Variants in NTM observed in about 807,000 individuals in gnomAD.
NTM encodes IgLON family member 2.
A neutral mutation model predicts 42.1 loss-of-function variants in NTM; 13 were observed. The ratio of observed to expected loss-of-function variants is 0.31; its 90% confidence interval spans 0.20 to 0.49. The LOEUF is 0.49. Among genes scored for constraint, NTM ranks in the 20% least tolerant of loss-of-function variants. NTM has a pLI of 0.99. For synonymous variants in NTM, 187 were observed against 179.2 expected, an observed-to-expected ratio of 1.04 and a Z score of -0.35; for missense variants, 373 against 452.8, an observed-to-expected ratio of 0.82 and a Z score of 1.60.
chr11:132,290,840 C>G (rs1309217381), intron 4 of NTM, among the ~76,000 whole-genome samples: 1 of 152,160 alleles, frequency 6.6e-6, no homozygotes, highest in Non-Finnish European at 1.5e-5. Flanking sequence ...CTTATACGAG[C>G]TGAACTTAAG....
intron 1 of NTM, among the ~76,000 whole-genome samples, chr11:131,502,566 G>A (rs2046965942): frequency 6.6e-6 from 1 of 152,148 alleles, no homozygotes; most frequent in African/African-American, 2.4e-5. Flanking sequence ...GCAAGAGAGT[G>A]AGGAGTCGGG....
intron 1 of NTM, among the ~76,000 whole-genome samples, chr11:131,823,239 A>G (rs561964559): frequency 6.6e-6 from 1 of 152,156 alleles, no homozygotes; most frequent in African/African-American, 2.4e-5. Context: ...CTTCCCTAAC[A>G]TTGGTCAAAA....
intron 1 of NTM, among the ~76,000 whole-genome samples, chr11:131,396,716 C>A (rs1282986506): frequency 6.6e-6 from 1 of 152,010 alleles, no homozygotes; most frequent in Non-Finnish European, 1.5e-5. Flanking sequence ...CAACTGTAAT[C>A]CCAGCTACTC....
At position 131,512,881 on chromosome 11, in the gene NTM, G is replaced by T. The variant is rs187348067; in HGVS notation, c.82+141993G>T. Among the ~76,000 whole-genome samples the T allele has an allele frequency of 1.0e-3, 151 of 151,054 alleles. 1 individual carries two copies. Among genetic ancestry groups the T allele is most frequent in the African/African-American group, 3.4e-3 (138 of 41,028 alleles). On this transcript the variant is annotated intron_variant, in intron 1 of 8. Transcript: ENST00000683400. The stretch of plus-strand genomic sequence containing the variant: ...CACCCTCTCCCTGTCTTGACTCAAA[G>T]TTGCTTCTGCAAAGTTTTTCCTCCC...
At chr11:132,094,592 T>A (rs1237196218) in intron 2 of NTM, among the ~76,000 whole-genome samples, 1 of 152,200 alleles carries the variant, frequency 6.6e-6, no homozygotes, top group Non-Finnish European at 1.5e-5. Context: ...AAGAGCTGAC[T>A]GATTTGTTTA....
chr11:132,088,738 A>G (rs2060041768), intron 2 of NTM, among the ~76,000 whole-genome samples: 2 of 152,116 alleles, frequency 1.3e-5, no homozygotes. Context: ...CACCATGGGC[A>G]TGTTTAGGCA....
intron 4 of NTM, among the ~76,000 whole-genome samples, chr11:132,229,699 G>T (rs1441086316): frequency 6.6e-6 from 1 of 152,152 alleles, no homozygotes; most frequent in Non-Finnish European, 1.5e-5. Context: ...TCAGAAGCTA[G>T]TGTTTTGTCT....
intron 2 of NTM, among the ~76,000 whole-genome samples, chr11:132,055,087 G>T (rs1318336588): frequency 1.3e-5 from 2 of 152,248 alleles, no homozygotes; most frequent in African/African-American, 2.4e-5. Flanking sequence ...CATGGCATTG[G>T]AATGGAGTGA....
chr11:132,231,944 C>T (rs2087671332), intron 4 of NTM, among the ~76,000 whole-genome samples: 1 of 152,138 alleles, frequency 6.6e-6, no homozygotes, highest in African/African-American at 2.4e-5. Context: ...TAGGGCAGTG[C>T]AGTGGGAGGA....
rs551114050 is a variant in NTM, at chr11:131,874,659, T to C, written c.83-36905T>C. Among the ~76,000 whole-genome samples, 7 of 152,322 alleles carry C rather than the reference T, an allele frequency of 4.6e-5. No individual in the cohort carries two copies. The South Asian group carries it at 1.4e-3, about 32-fold the overall frequency. ...ATAAAAAATTTGTCTTTTGCGTAGA[T>C]CTATCTCTATTCCTTCTAAAACTGC... On this transcript the variant is annotated intron_variant, in intron 1 of 8. Transcript: ENST00000683400.
At chr11:132,282,475 T>C (rs935367418) in intron 4 of NTM, among the ~76,000 whole-genome samples, 1 of 152,154 alleles carries the variant, frequency 6.6e-6, no homozygotes, top group Non-Finnish European at 1.5e-5. Context: ...CAGATGACAG[T>C]CCCAGCCCCC....
intron 1 of NTM, among the ~76,000 whole-genome samples, chr11:131,517,800 T>C (rs1303142364): frequency 6.6e-6 from 1 of 152,132 alleles, no homozygotes; most frequent in South Asian, 2.1e-4. Context: ...CCCCACTCTT[T>C]TGAACTTCCC....
Position 131,847,299 on chromosome 11 carries a change from CAATTCTTATTAAATAAATTAAATTT to C in NTM, c.83-64250_83-64226del, listed in dbSNP as rs565854548. Among the ~76,000 whole-genome samples the C allele has an allele frequency of 4.3e-3, 654 of 151,926 alleles. 1 individual carries two copies. Among genetic ancestry groups the C allele is most frequent in the African/African-American group, 0.015 (607 of 41,406 alleles). On this transcript the variant is annotated intron_variant, in intron 1 of 8. Transcript: ENST00000683400. ...TAAATTATTTTAATTACATAAGTTTCAATTCTTATTAAATAAATTAAATTTAATTCTTATTAAATTCTAATAAGAA... is the reference window on the plus strand; with the variant it reads ...TAAATTATTTTAATTACATAAGTTTCAATTCTTATTAAATTCTAATAAGAA...
At chr11:131,670,713 C>G (rs2070036376) in intron 1 of NTM, among the ~76,000 whole-genome samples, 1 of 152,178 alleles carries the variant, frequency 6.6e-6, no homozygotes, top group African/African-American at 2.4e-5. Context: ...CTCACTTGCT[C>G]CTCTACCCCA....
chr11:132,280,423 G>A (rs2093924747), intron 4 of NTM, among the ~76,000 whole-genome samples: 3 of 149,478 alleles, frequency 2.0e-5, no homozygotes, highest in South Asian at 2.1e-4. Context: ...AGCACCCTCC[G>A]AGTCTACTGG....
At chr11:132,071,511 A>G (rs1232440195) in intron 2 of NTM, among the ~76,000 whole-genome samples, 1 of 152,258 alleles carries the variant, frequency 6.6e-6, no homozygotes, top group East Asian at 1.9e-4. Flanking sequence ...TTCCCTTCCT[A>G]TCAGTGAGGA....
chr11:131,618,243 C>G (rs1168880300), intron 1 of NTM, among the ~76,000 whole-genome samples: 1 of 152,216 alleles, frequency 6.6e-6, no homozygotes, highest in Non-Finnish European at 1.5e-5. Context: ...CCCCTTCCCC[C>G]AAGCAGGTCT....
chr11:131,854,121 T>A (rs1338481323), intron 1 of NTM, among the ~76,000 whole-genome samples: 1 of 152,204 alleles, frequency 6.6e-6, no homozygotes, highest in Non-Finnish European at 1.5e-5. Flanking sequence ...TATTTTTACA[T>A]CTCATAACTG....
intron 1 of NTM, among the ~76,000 whole-genome samples, chr11:131,826,004 C>A (rs529460330): frequency 1.2e-4 from 18 of 151,996 alleles, no homozygotes; most frequent in Non-Finnish European, 2.1e-4. Flanking sequence ...TTAAACCATG[C>A]ACAAGAATAA....
Sources: allele counts gnomAD v4.1 joint callset (sites outside exome capture counted in the v4.1 genomes callset), GRCh38; gene constraint gnomAD v4.1.1; transcripts MANE v1.5; gene names NCBI Gene and HGNC (gene_info 2026-07-23, HGNC 2026-07-21).